C2CD3: variants seen among roughly 807,000 people sequenced by gnomAD.
C2CD3 encodes C2 domain containing 3 centriole elongation regulator.
C2CD3 carries 148 observed loss-of-function variants against 234.0 expected under a neutral mutation model. The ratio of observed to expected loss-of-function variants is 0.63; its 90% CI spans 0.55 to 0.72. The LOEUF is 0.72. Among genes scored for constraint, C2CD3 ranks in the 30% least tolerant of loss-of-function variants. The pLI is 0.00. For missense variants in C2CD3, 2,577 were observed against 2,811.5 expected (o/e 0.92, Z 1.89); for synonymous variants, 1,000 against 1,035.4 (o/e 0.97, Z 0.66).
chr11:74,115,286 A>C (rs566238201), intron 9 of C2CD3, among the ~76,000 whole-genome samples: 1 of 152,150 alleles, frequency 6.6e-6, no homozygotes, highest in African/African-American at 2.4e-5. Context: ...CACATACATT[A>C]TACAATACAT....
intron 32 of C2CD3, among the ~76,000 whole-genome samples, chr11:74,023,643 C>T (rs1257717101): frequency 2.6e-5 from 4 of 152,168 alleles, no homozygotes; most frequent in Non-Finnish European, 4.4e-5. Context: ...AAATCCCACA[C>T]CCTTTCTTTT....
chr11:74,030,217 C>A (rs1343184013), intron 31 of C2CD3, among the ~76,000 whole-genome samples: 3 of 152,124 alleles, frequency 2.0e-5, no homozygotes. Context: ...ACTTTTTGTG[C>A]CGCAATTTCT....
At chr11:74,081,342 C>T (rs886411620) in intron 22 of C2CD3, among the ~76,000 whole-genome samples, 1 of 151,966 alleles carries the variant, frequency 6.6e-6, no homozygotes, top group Non-Finnish European at 1.5e-5. Flanking sequence ...TTTTGGGGGG[C>T]ATTTATCCCA....
intron 24 of C2CD3, among the ~76,000 whole-genome samples, chr11:74,059,245 C>G (rs1414853237): frequency 6.6e-6 from 1 of 151,824 alleles, no homozygotes; most frequent in Non-Finnish European, 1.5e-5. Flanking sequence ...CCCGTCTCTA[C>G]TAAACAATAC....
intron 24 of C2CD3, among the ~76,000 whole-genome samples, 173 bp downstream of exon 24, chr11:74,074,080 G>C (rs900478175): frequency 1.3e-5 from 2 of 152,176 alleles, no homozygotes; most frequent in Non-Finnish European, 2.9e-5. Flanking sequence ...GGGAATTTAC[G>C]ATATGCAACA....
At chr11:74,084,809 G>C in intron 22 of C2CD3, 72 bp downstream of exon 22, 1 of 897,000 alleles carries the variant, frequency 1.1e-6, no homozygotes, top group Non-Finnish European at 1.9e-6. Flanking sequence ...ATGAGAGACA[G>C]AGAAGATTAC....
rs769668218 is a variant in C2CD3, at chr11:74,150,492, C to CAAAAAA, written c.484-10670_484-10665dup. ...TGGGCTACAGAGCAAGACCCTGTCT[C>CAAAAAA]AAAAAAAAAAAAAAAAAAAAAAACA... On this transcript the variant is annotated intron_variant, in intron 3 of 32. Transcript: ENST00000334126. Among the ~76,000 whole-genome samples the CAAAAAA allele has an allele frequency of 2.4e-3, 39 of 16,044 alleles. 3 individuals are homozygous for CAAAAAA. Among genetic ancestry groups the CAAAAAA allele is most frequent in the East Asian group, 5.5e-3 (2 of 364 alleles). The allele number at this position is 16,044 out of a possible 152,430, so 10.5% of individuals were successfully genotyped here.
intron 30 of C2CD3, 82 bp downstream of exon 30, chr11:74,037,396 G>T: frequency 5.7e-6 from 6 of 1,057,152 alleles, no homozygotes; most frequent in Non-Finnish European, 8.8e-6. Flanking sequence ...ATAGGGGCTT[G>T]TCCGAAGGAA....
At chr11:74,092,816 C>A (rs1051500819) in intron 18 of C2CD3, among the ~76,000 whole-genome samples, 1 of 152,122 alleles carries the variant, frequency 6.6e-6, no homozygotes, top group Admixed American at 6.5e-5. Context: ...GTTTTCTGTG[C>A]GGTAACTGTA....
At chr11:74,084,132 T>C (rs1051393093) in intron 22 of C2CD3, among the ~76,000 whole-genome samples, 1 of 152,206 alleles carries the variant, frequency 6.6e-6, no homozygotes, top group Admixed American at 6.5e-5. Context: ...GATGAGTTCA[T>C]GTCCTTTGTA....
chr11:74,094,228 A>T, intron 17 of C2CD3, among the ~76,000 whole-genome samples: 1 of 145,934 alleles, frequency 6.9e-6, no homozygotes, highest in African/African-American at 2.5e-5. Flanking sequence ...AATTATAGCC[A>T]CCTTAGCTAG....
intron 13 of C2CD3, among the ~76,000 whole-genome samples, chr11:74,104,399 G>T (rs1956432570): frequency 6.6e-6 from 1 of 152,134 alleles, no homozygotes; most frequent in Non-Finnish European, 1.5e-5. Context: ...TATTATGCAT[G>T]ATGATGTCCT....
rs1479339563 is a variant in C2CD3, at chr11:74,139,700, G to A, written c.612C>T (p.Thr204=). The part of the protein sequence containing the change: ...GFRENTEPSS[T]QFQVPSRPRD... ...GAGGCCTTGATGGAACCTGAAACTG[G>A]GTACTGCTGGGTTCAGTATTCTCTC... Residue 204 remains threonine, a synonymous_variant, in exon 4 of 33, where the codon ACC becomes ACT. Coordinates refer to ENST00000334126, the MANE Select transcript of C2CD3 (RefSeq NM_001286577.2). 6.2e-7 allele frequency: 1 copy of A among 1,613,490 alleles called. No homozygotes were observed. Among genetic ancestry groups the A allele is most frequent in the Non-Finnish European group, 8.5e-7 (1 of 1,179,620 alleles).
chr11:74,138,775 G>C lies in C2CD3; in HGVS notation c.900C>G (p.His300Gln). The C allele has an allele frequency of 6.2e-7, 1 of 1,612,786 alleles. No individual in the cohort carries two copies. The highest frequency in any genetic ancestry group is 8.5e-7 in the Non-Finnish European group (1 of 1,178,772). The change falls in exon 5 of 33, where the codon CAC becomes CAG. Residue 300 changes from histidine to glutamine, a missense_variant. By Grantham distance (24) the His-to-Gln change is conservative. Coordinates refer to ENST00000334126, the MANE Select transcript of C2CD3 (RefSeq NM_001286577.2). ...TTGAAGAAAGAATGCATGAGTCACT[G>C]TGACTCTTGGCAACTGTTCTAATTT... ...QPQIRTVAKS[H>Q]SDSCILSSNN...
intron 32 of C2CD3, among the ~76,000 whole-genome samples, chr11:74,018,847 C>T (rs1246444610): frequency 1.3e-5 from 2 of 152,168 alleles, no homozygotes; most frequent in African/African-American, 4.8e-5. Flanking sequence ...TCTGAGCTCA[C>T]CCTCCATGCC....
intron 3 of C2CD3, among the ~76,000 whole-genome samples, chr11:74,146,855 C>A (rs2135552427): frequency 6.6e-6 from 1 of 151,996 alleles, no homozygotes; most frequent in East Asian, 1.9e-4. Flanking sequence ...GAGCTCGAGA[C>A]CAGCCTGGCC....
At position 74,118,135 on chromosome 11, in the gene C2CD3, G is replaced by T. The variant is rs1286463204; in HGVS notation, c.1520+93C>A. 4 of 878,426 alleles carry T rather than the reference G, an allele frequency of 4.6e-6. No homozygotes were observed. The African/African-American group carries it at 6.7e-5, about 15-fold the overall frequency. 54.4% of individuals were successfully genotyped at this position (878,426 alleles called of 1,614,324 possible). On this transcript the variant is annotated intron_variant, in intron 9 of 32. Coordinates refer to ENST00000334126, the MANE Select transcript of C2CD3 (RefSeq NM_001286577.2). Reference sequence around the variant, plus strand: ...GTTATTGTAATTAATCACTCTGATGGTGCTGGGCAAATGGGTCATTTCACC... The same window carrying T: ...GTTATTGTAATTAATCACTCTGATGTTGCTGGGCAAATGGGTCATTTCACC...
rs201751878 is a variant in C2CD3 at position 74,103,229 on chromosome 11, A to T, written c.2482T>A (p.Cys828Ser). 1.0e-4 allele frequency: 166 copies of T among 1,614,054 alleles called. 1 individual carries two copies. Among genetic ancestry groups the T allele is most frequent in the Non-Finnish European group, 2.1e-5 (25 of 1,180,004 alleles). ...ISGESEKQSP[C>S]NVYLNCKLFS... ...AGTTTACAATTTAAATAAACATTGCATGGTGATTGTTTCTCAGATTCTCCA... is the reference window on the plus strand; with the variant it reads ...AGTTTACAATTTAAATAAACATTGCTTGGTGATTGTTTCTCAGATTCTCCA... Residue 828 changes from cysteine to serine, a missense_variant, in exon 14 of 33, where the codon TGC becomes AGC. Coordinates refer to ENST00000334126, the MANE Select transcript of C2CD3 (RefSeq NM_001286577.2).
Position 74,027,522 on chromosome 11 carries a change from A to C in C2CD3, c.6921+765T>G, listed in dbSNP as rs1239683301. Reference sequence around the variant, plus strand: ...TGCCTGGTACATGCTAAGCACCACCATAACTACCATCTTTAACACAGCCTC... The same window carrying C: ...TGCCTGGTACATGCTAAGCACCACCCTAACTACCATCTTTAACACAGCCTC... On this transcript the variant is annotated intron_variant, in intron 32 of 32. Coordinates refer to ENST00000334126, the MANE Select transcript of C2CD3 (RefSeq NM_001286577.2). Among the ~76,000 whole-genome samples the C allele has an allele frequency of 2.0e-5, 3 of 152,258 alleles. No homozygotes were observed. The East Asian group carries it at 5.8e-4, about 29-fold the overall frequency.
Sources: gnomAD v4.1 joint callset for allele counts (sites outside exome capture counted in the v4.1 genomes callset) on GRCh38, gnomAD v4.1.1 for gene constraint, MANE v1.5 for transcripts, NCBI Gene and HGNC (gene_info 2026-07-23, HGNC 2026-07-21) for gene names.